SLC9B1: variants seen among roughly 807,000 people sequenced by gnomAD.
The protein encoded by SLC9B1 is solute carrier family 9 member B1, also known as sodium/hydrogen exchanger 9B1.
SLC9B1 carries 32 observed loss-of-function variants against 51.7 expected under a neutral mutation model. The ratio of observed to expected loss-of-function variants is 0.62; its 90% CI spans 0.47 to 0.83. The LOEUF is 0.83. SLC9B1 is among the 40% of genes least tolerant of loss of function. The pLI is 0.00. For missense variants in SLC9B1, 406 were observed against 613.2 expected, an observed-to-expected ratio of 0.66 and a Z score of 3.57; for synonymous variants, 145 against 212.7, an observed-to-expected ratio of 0.68 and a Z score of 2.77.
At chr4:102,955,897 GAA>G (rs775741724) in intron 3 of SLC9B1, among the ~76,000 whole-genome samples, 2,361 of 102,748 alleles carry the variant, frequency 0.023, 29 homozygotes, top group East Asian at 0.062. Flanking sequence ...AAGAAAGAAA[GAA>G]AGAGAGAGAA....
intron 11 of SLC9B1, among the ~76,000 whole-genome samples, chr4:102,893,850 A>G (rs1734400456): frequency 6.6e-6 from 1 of 152,024 alleles, no homozygotes; most frequent in African/African-American, 2.4e-5. Flanking sequence ...AGCCGAGATC[A>G]CGCCACTGCA....
chr4:102,928,984 C>T (rs985362573), intron 7 of SLC9B1, among the ~76,000 whole-genome samples: 1 of 152,140 alleles, frequency 6.6e-6, no homozygotes. Flanking sequence ...ACTTCTTCTG[C>T]CTGCTTTATT....
chr4:103,018,600 C>T (rs1578426350), intron 1 of SLC9B1, among the ~76,000 whole-genome samples: 1 of 152,246 alleles, frequency 6.6e-6, no homozygotes. Flanking sequence ...CTCAGTGCCA[C>T]CTGGGCCAGT....
intron 1 of SLC9B1, among the ~76,000 whole-genome samples, chr4:103,011,779 A>G (rs532569663): frequency 1.0e-3 from 159 of 152,282 alleles, no homozygotes; most frequent in African/African-American, 3.7e-3. Flanking sequence ...ACATGTGTGG[A>G]GCAGAAAGTT....
intron 1 of SLC9B1, among the ~76,000 whole-genome samples, chr4:103,000,910 G>T (rs558272785): frequency 6.6e-6 from 1 of 152,320 alleles, no homozygotes; most frequent in African/African-American, 2.4e-5. Context: ...TCTGTGAGGG[G>T]GTCCAACCCT....
At chr4:102,968,824 C>T (rs1738578381) in intron 3 of SLC9B1, among the ~76,000 whole-genome samples, 2 of 152,138 alleles carry the variant, frequency 1.3e-5, no homozygotes, top group Admixed American at 6.5e-5. Context: ...CTGGACACTC[C>T]CACCCTAATA....
chr4:102,936,195 G>A (rs1736715808), intron 6 of SLC9B1, among the ~76,000 whole-genome samples: 1 of 152,140 alleles, frequency 6.6e-6, no homozygotes, highest in Non-Finnish European at 1.5e-5. Context: ...CCATTTGACT[G>A]AACCTACCTT....
intron 11 of SLC9B1, among the ~76,000 whole-genome samples, chr4:102,894,925 C>T (rs1300813911): frequency 6.6e-6 from 1 of 151,872 alleles, no homozygotes; most frequent in South Asian, 2.1e-4. Flanking sequence ...AAAGTAAGAC[C>T]CTGTCTCAAA....
intron 7 of SLC9B1, among the ~76,000 whole-genome samples, chr4:102,930,853 TA>T (rs1180805720): frequency 1.3e-5 from 2 of 152,182 alleles, no homozygotes; most frequent in Non-Finnish European, 2.9e-5. Context: ...AAACAACTAT[TA>T]AAATGATATA....
In SLC9B1 at chr4:102,961,932, G is replaced by A. The variant is rs559410110; in HGVS notation, c.212-12505C>T. The A allele has an allele frequency of 1.1e-3, 270 of 235,806 alleles. 1 individual carries two copies. Among genetic ancestry groups the A allele is most frequent in the African/African-American group, 6.0e-3 (259 of 43,176 alleles). 14.6% of individuals were successfully genotyped at this position (235,806 alleles called of 1,614,324 possible). A position where few individuals can be genotyped will look rare whatever the true frequency, so the allele number is the denominator to read the frequency against. ...CAGGGTGCTCCAGGGTGGCCAGTGG[G>A]GCTAAATGCTGTGTATTCCAAGCAT... On this transcript the variant is annotated intron_variant, in intron 3 of 11. Transcript: ENST00000296422.
At chr4:102,893,636 A>T (rs1239809717) in intron 11 of SLC9B1, among the ~76,000 whole-genome samples, 1 of 152,042 alleles carries the variant, frequency 6.6e-6, no homozygotes, top group African/African-American at 2.4e-5. Context: ...ATAAGACAAA[A>T]CTGTAGGCCA....
intron 3 of SLC9B1, among the ~76,000 whole-genome samples, chr4:102,969,879 A>C (rs1272096766): frequency 1.3e-5 from 2 of 152,222 alleles, no homozygotes; most frequent in African/African-American, 4.8e-5. Context: ...AAGTGGAAGA[A>C]AGGGTATCAG....
intron 7 of SLC9B1, among the ~76,000 whole-genome samples, chr4:102,924,624 T>C (rs975714053): frequency 1.3e-5 from 2 of 152,114 alleles, no homozygotes; most frequent in African/African-American, 4.8e-5. Context: ...ACAGACAACC[T>C]ACAGAATGGG....
chr4:102,918,992 A>G (rs761719017), intron 7 of SLC9B1, among the ~76,000 whole-genome samples: 1 of 152,230 alleles, frequency 6.6e-6, no homozygotes, highest in African/African-American at 2.4e-5. Flanking sequence ...CCTGAGCTGT[A>G]TGTTGGCTCC....
intron 7 of SLC9B1, among the ~76,000 whole-genome samples, chr4:102,928,344 T>C (rs1736291953): frequency 6.6e-6 from 1 of 152,216 alleles, no homozygotes; most frequent in Admixed American, 6.5e-5. Flanking sequence ...TGCTAAAGCA[T>C]AGCAAGAGTG....
intron 1 of SLC9B1, among the ~76,000 whole-genome samples, chr4:103,002,795 A>G (rs1740593831): frequency 6.6e-6 from 1 of 152,222 alleles, no homozygotes; most frequent in Non-Finnish European, 1.5e-5. Context: ...AACTTCTGCC[A>G]GATGATTATC....
intron 6 of SLC9B1, among the ~76,000 whole-genome samples, chr4:102,937,392 T>C (rs1257340773): frequency 8.2e-6 from 1 of 122,118 alleles, no homozygotes; most frequent in Non-Finnish European, 1.6e-5. Context: ...TGAGCCACCA[T>C]GCCTGGCCTT....
chr4:102,996,008 A>G (rs777107300), intron 1 of SLC9B1, among the ~76,000 whole-genome samples: 11 of 152,322 alleles, frequency 7.2e-5, no homozygotes, highest in Non-Finnish European at 1.3e-4. Flanking sequence ...ATATGGTCAT[A>G]TAACTAGCAA....
intron 1 of SLC9B1, among the ~76,000 whole-genome samples, chr4:103,003,425 TG>T (rs1468908461): frequency 1.3e-5 from 2 of 152,214 alleles, no homozygotes; most frequent in Admixed American, 1.3e-4. Context: ...CTTCTTTACC[TG>T]TTTTTGTATT....
Sources: allele counts gnomAD v4.1 joint callset (sites outside exome capture counted in the v4.1 genomes callset), GRCh38; gene constraint gnomAD v4.1.1; transcripts MANE v1.5; gene names NCBI Gene and HGNC (gene_info 2026-07-23, HGNC 2026-07-21).